The following ARHGEF12 variants were observed in gnomAD, a reference collection of about 807,000 sequenced individuals.
ARHGEF12 encodes KMT2A/ARHGEF12 fusion protein.
A neutral mutation model predicts 211.2 loss-of-function variants in ARHGEF12; 66 were observed. The ratio of observed to expected loss-of-function variants is 0.31; its 90% CI spans 0.26 to 0.38. The LOEUF (loss-of-function observed/expected upper bound fraction) is 0.38. Among genes scored for constraint, ARHGEF12 ranks in the 10% least tolerant of loss-of-function variants. The pLI, the probability that ARHGEF12 is intolerant of heterozygous loss-of-function variation, is 1.00. For synonymous variants in ARHGEF12, 592 were observed against 638.4 expected (o/e 0.93, Z 1.09); for missense variants, 1,429 against 1,869.5 (o/e 0.76, Z 4.34).
At chr11:120,378,236 C>CT (rs1287735908) in intron 1 of ARHGEF12, among the ~76,000 whole-genome samples, 33 of 152,126 alleles carry the variant, frequency 2.2e-4, no homozygotes, top group Admixed American at 2.2e-3. Flanking sequence ...GCATCTCACT[C>CT]TACTTTTTAT....
intron 18 of ARHGEF12, 32 bp downstream of exon 18, chr11:120,447,117 T>A (rs1423283430): frequency 6.2e-7 from 1 of 1,606,476 alleles, no homozygotes; most frequent in Admixed American, 1.7e-5. Flanking sequence ...GGAAATGCCC[T>A]CTCTGCTGAG....
At chr11:120,460,605 C>T (rs868717004) in intron 26 of ARHGEF12, 67 bp from the exon 27 acceptor site, 27 of 1,343,680 alleles carry the variant, frequency 2.0e-5, no homozygotes, top group Middle Eastern at 1.9e-4. Flanking sequence ...ATTAGCTACT[C>T]TGTACTACCA....
At chr11:120,374,467 C>T (rs115603541) in intron 1 of ARHGEF12, among the ~76,000 whole-genome samples, 184 of 152,224 alleles carry the variant, frequency 1.2e-3, no homozygotes, top group African/African-American at 4.2e-3. Context: ...GTGAACATTA[C>T]GACATTTGAT....
At chr11:120,343,280 T>C (rs1431122450) in intron 1 of ARHGEF12, among the ~76,000 whole-genome samples, 1 of 152,232 alleles carries the variant, frequency 6.6e-6, no homozygotes. Context: ...TGTCCTTGTT[T>C]TGTATTTTGC....
At chr11:120,465,472 A>G in intron 28 of ARHGEF12, 110 bp downstream of exon 28, 5 of 1,433,264 alleles carry the variant, frequency 3.5e-6, no homozygotes, top group South Asian at 1.4e-5. Context: ...ATCTGTGTTA[A>G]CTTTTTTTTT....
intron 22 of ARHGEF12, among the ~76,000 whole-genome samples, chr11:120,454,145 A>G (rs1946291402): frequency 6.6e-6 from 1 of 152,200 alleles, no homozygotes; most frequent in South Asian, 2.1e-4. Flanking sequence ...AGAGCTCTCA[A>G]CTGAAACAGA....
At chr11:120,395,712 C>G (rs989616958) in intron 1 of ARHGEF12, among the ~76,000 whole-genome samples, 4 of 152,046 alleles carry the variant, frequency 2.6e-5, no homozygotes, top group Non-Finnish European at 4.4e-5. Flanking sequence ...ATATAACCAT[C>G]AGATCTGGTG....
chr11:120,361,397 C>T (rs776313528), intron 1 of ARHGEF12, among the ~76,000 whole-genome samples: 4 of 152,174 alleles, frequency 2.6e-5, no homozygotes, highest in African/African-American at 4.8e-5. Flanking sequence ...ATACTGAAAC[C>T]GTACGTACAC....
Position 120,481,300 on chromosome 11 carries a change from G to A in ARHGEF12, c.4278G>A (p.Glu1426=), listed in dbSNP as rs374750064. The change falls in exon 39 of 41, where the codon GAG becomes GAA. Residue 1426 remains glutamate (E), a synonymous_variant. Coordinates refer to ENST00000397843, the MANE Select transcript of ARHGEF12 (RefSeq NM_015313.3). ...TTGATGGCTATGACCCAGTGCAGGA[G>A]AGTTCCACAGATGAGGAGGTTGCTT... The part of the protein sequence containing the change: ...LILDGYDPVQ[E]SSTDEEVASS... 27 of 1,614,060 alleles carry A rather than the reference G, an allele frequency of 1.7e-5. No homozygotes were observed. Among genetic ancestry groups the A allele is most frequent in the Middle Eastern group, 3.3e-4 (2 of 6,084 alleles).
intron 7 of ARHGEF12, among the ~76,000 whole-genome samples, chr11:120,426,840 T>C (rs1348548597): frequency 6.6e-6 from 1 of 152,092 alleles, no homozygotes; most frequent in Admixed American, 6.6e-5. Context: ...GCCATATCTA[T>C]TACTGACTCT....
intron 28 of ARHGEF12, among the ~76,000 whole-genome samples, chr11:120,466,975 A>G (rs1254946208): frequency 6.6e-6 from 1 of 152,228 alleles, no homozygotes; most frequent in African/African-American, 2.4e-5. Context: ...CCTTAAACAG[A>G]TAACAAGCCA....
intron 1 of ARHGEF12, among the ~76,000 whole-genome samples, chr11:120,354,098 A>G (rs1478513026): frequency 1.3e-5 from 2 of 152,144 alleles, no homozygotes; most frequent in East Asian, 3.9e-4. Context: ...GGAGGAGAAG[A>G]TAGGAGATGC....
Position 120,475,470 on chromosome 11 carries a change from T to C in ARHGEF12, c.3240T>C (p.Ile1080=). 6.2e-7 allele frequency: 1 copy of C among 1,614,154 alleles called. No individual in the cohort carries two copies. Among genetic ancestry groups the C allele is most frequent in the South Asian group, 1.1e-5 (1 of 91,074 alleles). ...GCAAACACACGTTTAGCCCTGTCATTAAGTTGAGTACAGTGTTGGTTCGAC... is the reference window on the plus strand; with the variant it reads ...GCAAACACACGTTTAGCCCTGTCATCAAGTTGAGTACAGTGTTGGTTCGAC... ...ADSKHTFSPV[I]KLSTVLVRQV... is the part of the protein sequence containing the mutation. Residue 1080 remains isoleucine, a synonymous_variant, in exon 33 of 41, where the codon ATT becomes ATC. Transcript: ENST00000397843.
rs1565512798 is a variant in ARHGEF12 at position 120,477,108 on chromosome 11, GTTGTTGTTGT to G, written c.3366-109_3366-100del. 10 of 714,664 alleles carry G rather than the reference GTTGTTGTTGT, an allele frequency of 1.4e-5. No individual in the cohort carries two copies. In the African/African-American group the frequency reaches 1.8e-4, roughly 13 times the overall value. 44.3% of individuals were successfully genotyped at this position (714,664 alleles called of 1,614,324 possible). A position where few individuals can be genotyped will look rare whatever the true frequency, so the allele number is the denominator to read the frequency against. On this transcript the variant is annotated intron_variant, in intron 34 of 40. Coordinates refer to ENST00000397843, the MANE Select transcript of ARHGEF12 (RefSeq NM_015313.3). ...TGTTGTTGTTGTTGTTGTTGTTGTTGTTGTTGTTGTTGGTTGATTTGGTTTTTGTTTAGTT... is the reference window on the plus strand; with the variant it reads ...TGTTGTTGTTGTTGTTGTTGTTGTTGTGGTTGATTTGGTTTTTGTTTAGTT...
At chr11:120,360,805 G>A (rs1943256489) in intron 1 of ARHGEF12, among the ~76,000 whole-genome samples, 2 of 152,098 alleles carry the variant, frequency 1.3e-5, no homozygotes, top group South Asian at 4.1e-4. Context: ...GAAAAAATAT[G>A]AATGATTATT....
intron 39 of ARHGEF12, 41 bp downstream of exon 39, chr11:120,481,617 AAC>A (rs1288711801): frequency 3.2e-6 from 5 of 1,576,070 alleles, no homozygotes; most frequent in Non-Finnish European, 4.4e-6. Flanking sequence ...GGTTGTAAGA[AAC>A]ATTTAGCAGA....
At chr11:120,443,374 C>T (rs1044305325) in intron 15 of ARHGEF12, among the ~76,000 whole-genome samples, 6 of 152,108 alleles carry the variant, frequency 3.9e-5, no homozygotes, top group African/African-American at 1.4e-4. Context: ...CAGTGTATTT[C>T]CTTATACCTA....
At chr11:120,461,358 T>G (rs577192173) in intron 27 of ARHGEF12, among the ~76,000 whole-genome samples, 1 of 152,314 alleles carries the variant, frequency 6.6e-6, no homozygotes, top group African/African-American at 2.4e-5. Flanking sequence ...CAGAAGTCTT[T>G]AAGTGACCAT....
At chr11:120,456,073 A>G (rs1946352975) in intron 22 of ARHGEF12, among the ~76,000 whole-genome samples, 1 of 152,208 alleles carries the variant, frequency 6.6e-6, no homozygotes, top group African/African-American at 2.4e-5. Context: ...AATGATGTAT[A>G]TATGTATGTA....
Sources: allele counts gnomAD v4.1 joint callset (sites outside exome capture counted in the v4.1 genomes callset), GRCh38; gene constraint gnomAD v4.1.1; transcripts MANE v1.5; gene names NCBI Gene and HGNC (gene_info 2026-07-23, HGNC 2026-07-21).